The following SLC35B3 variants were observed in gnomAD, a reference collection of about 807,000 sequenced individuals.
SLC35B3 encodes the protein adenosine 3'-phospho 5'-phosphosulfate transporter 2.
SLC35B3 carries 35 observed loss-of-function variants against 44.1 expected under a neutral mutation model. That is an observed-to-expected ratio of 0.79 (90% CI 0.61 to 1.05). SLC35B3 has a LOEUF of 1.05. SLC35B3 is among the 50% of genes least tolerant of loss of function. The pLI, the probability that SLC35B3 is intolerant of heterozygous loss-of-function variation, is 0.00. For missense variants in SLC35B3, 414 were observed against 476.4 expected (o/e 0.87, Z 1.22); for synonymous variants, 146 against 167.3 (o/e 0.87, Z 0.98).
rs1339678776 is a variant in SLC35B3, at chr6:8,420,840, A to C, written c.575-12T>G. 1.3e-6 allele frequency: 2 copies of C among 1,591,858 alleles called. No homozygotes were observed. Among genetic ancestry groups the C allele is most frequent in the Non-Finnish European group, 8.6e-7 (1 of 1,163,580 alleles). ...ATTATAACGCTTTCCTGTATAAAACAAACGTAAGTCCACTTCATTATGCAA... is the reference window on the plus strand; with the variant it reads ...ATTATAACGCTTTCCTGTATAAAACCAACGTAAGTCCACTTCATTATGCAA... On this transcript the variant is annotated splice_polypyrimidine_tract_variant and intron_variant, in intron 5 of 10. Transcript: ENST00000644923. This position sits in a 1 kb window ranked among gnomAD's most constrained non-coding sequence, Gnocchi z 4.4.
rs1386874954 is a variant in SLC35B3 at position 8,430,147 on chromosome 6, T to C, written c.14A>G (p.Gln5Arg). Residue 5 changes from glutamine to arginine, a missense_variant, in exon 3 of 11, where the codon CAG (glutamine) becomes CGG (arginine). Coordinates refer to ENST00000644923, the MANE Select transcript of SLC35B3 (RefSeq NM_001370476.2). The stretch of plus-strand genomic sequence containing the variant: ...TATGTTCTGTATGTCTTTTGCTTGC[T>C]GTGTCAAGTCCTAGAGAAGGAAATA... 1 of 1,580,968 alleles carries C rather than the reference T, an allele frequency of 6.3e-7. No individual in the cohort carries two copies. Among genetic ancestry groups the C allele is most frequent in the Non-Finnish European group, 8.6e-7 (1 of 1,165,650 alleles).
rs952892263 is a variant in SLC35B3 at position 8,411,950 on chromosome 6, A to G, written c.*1599T>C. Among the ~76,000 whole-genome samples the G allele has an allele frequency of 6.6e-6, 1 of 152,184 alleles. No homozygotes were observed. The highest frequency in any genetic ancestry group is 1.9e-4 in the East Asian group (1 of 5,204). ...AATCTTTGAATTTAGACTCAAAACT[A>G]TGCATGCAACATTCCTATGGTCTGA... On this transcript the variant is annotated 3_prime_UTR_variant, in exon 11 of 11. Transcript: ENST00000644923.
chr6:8,418,470 A>AACAC (rs35180249), intron 7 of SLC35B3, among the ~76,000 whole-genome samples: 4 of 148,390 alleles, frequency 2.7e-5, no homozygotes, highest in Non-Finnish European at 4.5e-5. Flanking sequence ...AATTAATGTA[A>AACAC]ACACACACAC....
In SLC35B3 at chr6:8,435,499, G is replaced by C. The variant is rs1356267970; in HGVS notation, c.-200C>G. The C allele has an allele frequency of 3.6e-6, 3 of 825,420 alleles. No individual in the cohort carries two copies. In the African/African-American group the frequency reaches 5.4e-5, roughly 15 times the overall value. The allele number at this position is 825,420 out of a possible 1,614,324, so 51.1% of individuals were successfully genotyped here. On this transcript the variant is annotated 5_prime_UTR_variant, in exon 1 of 11. Coordinates refer to ENST00000644923, the MANE Select transcript of SLC35B3 (RefSeq NM_001370476.2). This position sits in a 1 kb window ranked among gnomAD's most constrained non-coding sequence, Gnocchi z 5.5. ...TTTCCACCGCGGCGGTCGCCTCCCCGGAAAGCACTCTCAACTCCGGCGCCC... is the reference window on the plus strand; with the variant it reads ...TTTCCACCGCGGCGGTCGCCTCCCCCGAAAGCACTCTCAACTCCGGCGCCC...
rs35150610 is a variant in SLC35B3, at chr6:8,419,676, A to G, written c.684T>C (p.Gly228=). ...ATAGTGCCAGGGAAATAAGCACCACACCTTCAAGAAGGTATTAAAAAAACA... is the reference window on the plus strand; with the variant it reads ...ATAGTGCCAGGGAAATAAGCACCACGCCTTCAAGAAGGTATTAAAAAAACA... The change falls in exon 7 of 11, where the codon GGT becomes GGC. Residue 228 remains glycine (G), a splice_region_variant and synonymous_variant. Coordinates refer to ENST00000644923, the MANE Select transcript of SLC35B3 (RefSeq NM_001370476.2). This position sits in a 1 kb window ranked among gnomAD's most constrained non-coding sequence, Gnocchi z 4.3. The G allele has an allele frequency of 6.7e-7, 1 of 1,489,586 alleles. No homozygotes were observed. The allele number at this position is 1,489,586 out of a possible 1,614,324, so 92.3% of individuals were successfully genotyped here. A position where few individuals can be genotyped will look rare whatever the true frequency, so the allele number is the denominator to read the frequency against.
rs1321581630 is a variant in SLC35B3, at chr6:8,420,212, C to A, written c.682+509G>T. The stretch of plus-strand genomic sequence containing the variant: ...TTCTCCTTTGTATAAACACACTCAG[C>A]ACACATTTTCCATGATTTCCAAGGT... On this transcript the variant is annotated intron_variant, in intron 6 of 10. Transcript: ENST00000644923. This position sits in a 1 kb window ranked among gnomAD's most constrained non-coding sequence, Gnocchi z 4.4. Among the ~76,000 whole-genome samples, 1 of 152,114 alleles carries A rather than the reference C, an allele frequency of 6.6e-6. No individual in the cohort carries two copies. Among genetic ancestry groups the A allele is most frequent in the African/African-American group, 2.4e-5 (1 of 41,410 alleles).
Position 8,413,582 on chromosome 6 carries a change from T to A in SLC35B3, c.1173A>T (p.Ala391=), listed in dbSNP as rs1427986371. 2 of 1,609,938 alleles carry A rather than the reference T, an allele frequency of 1.2e-6. No homozygotes were observed. The highest frequency in any genetic ancestry group is 1.7e-6 in the Non-Finnish European group (2 of 1,178,546). ...TCTGTGCCAGCGTCCTTGACTTTCT[T>A]GCTTCCACTGATTTGTTTATCAAAT... is the stretch of plus-strand genomic sequence containing the variant. Residue 391 remains alanine, a synonymous_variant, in exon 11 of 11, where the codon GCA becomes GCT. Coordinates refer to ENST00000644923, the MANE Select transcript of SLC35B3 (RefSeq NM_001370476.2).
intron 2 of SLC35B3, among the ~76,000 whole-genome samples, chr6:8,431,556 T>C (rs887994286): frequency 1.3e-5 from 2 of 152,224 alleles, no homozygotes; most frequent in Admixed American, 1.3e-4. Flanking sequence ...TATTTCTAAA[T>C]AGAAAAGTTG....
intron 8 of SLC35B3, 99 bp from the exon 8 acceptor site, chr6:8,417,094 T>TA (rs1440969173): frequency 1.5e-6 from 1 of 654,024 alleles, no homozygotes; most frequent in Non-Finnish European, 2.6e-6. Context: ...TCTTGAGCAA[T>TA]AAGTTGTTTG....
chr6:8,435,288 G>A lies in SLC35B3; in HGVS notation c.-44+55C>T. 7.8e-7 allele frequency: 1 copy of A among 1,289,350 alleles called. No homozygotes were observed. Among genetic ancestry groups the A allele is most frequent in the Non-Finnish European group, 1.0e-6 (1 of 988,868 alleles). The allele number at this position is 1,289,350 out of a possible 1,614,324, so 79.9% of individuals were successfully genotyped here. ...AAGATGGGCAGTGTCAAGGTTTTCT[G>A]GAGGAGAGGAGATCTGGGTCCCAAA... On this transcript the variant is annotated intron_variant, in intron 1 of 10. Transcript: ENST00000644923. The surrounding 1 kb of genome is among the most constrained non-coding windows in gnomAD (Gnocchi z 5.5).
At chr6:8,428,175 A>G in intron 3 of SLC35B3, 117 bp from the exon 3 acceptor site, 2 of 953,612 alleles carry the variant, frequency 2.1e-6, no homozygotes, top group Non-Finnish European at 2.9e-6. Context: ...AACAACAACA[A>G]AATGTAAATT....
rs143642303 is a variant in SLC35B3 at position 8,412,431 on chromosome 6, T to C, written c.*1118A>G. ...GGATAATTTTATAATTATTTTATTATAATTTTGAGACATCAATTACTTTTT... is the reference window on the plus strand; with the variant it reads ...GGATAATTTTATAATTATTTTATTACAATTTTGAGACATCAATTACTTTTT... On this transcript the variant is annotated 3_prime_UTR_variant, in exon 11 of 11. Coordinates refer to ENST00000644923, the MANE Select transcript of SLC35B3 (RefSeq NM_001370476.2). Among the ~76,000 whole-genome samples the C allele has an allele frequency of 3.0e-3, 457 of 152,328 alleles. 2 individuals carry two copies. The highest frequency in any genetic ancestry group is 0.01 in the African/African-American group (429 of 41,590).
At position 8,433,670 on chromosome 6, in the gene SLC35B3, A is replaced by C. The variant is rs1328451536; in HGVS notation, c.3+715T>G. Among the ~76,000 whole-genome samples the C allele has an allele frequency of 1.3e-5, 2 of 152,146 alleles. No individual in the cohort carries two copies. Among genetic ancestry groups the C allele is most frequent in the African/African-American group, 4.8e-5 (2 of 41,420 alleles). ...ACATTGCTACTGAAACTCCCCACAA[A>C]ACATTTGAAATGAACATGAAAATAA... On this transcript the variant is annotated intron_variant, in intron 2 of 10. Transcript: ENST00000644923. This position sits in a 1 kb window ranked among gnomAD's most constrained non-coding sequence, Gnocchi z 4.1.
At chr6:8,429,538 T>G (rs1027208280) in intron 3 of SLC35B3, among the ~76,000 whole-genome samples, 1 of 152,194 alleles carries the variant, frequency 6.6e-6, no homozygotes, top group African/African-American at 2.4e-5. Flanking sequence ...AACTGCACTA[T>G]CATTCAATAA....
At position 8,419,536 on chromosome 6, in the gene SLC35B3, T is replaced by A; in HGVS notation, c.780+44A>T. The A allele has an allele frequency of 9.6e-7, 1 of 1,041,990 alleles. No homozygotes were observed. The highest frequency in any genetic ancestry group is 1.4e-6 in the Non-Finnish European group (1 of 713,588). 64.5% of individuals were successfully genotyped at this position (1,041,990 alleles called of 1,614,324 possible). On this transcript the variant is annotated intron_variant, in intron 7 of 10. Transcript: ENST00000644923. The surrounding 1 kb of genome is among the most constrained non-coding windows in gnomAD (Gnocchi z 4.3). ...TCATCAAATTACGTGTATCACCATT[T>A]TTTAAATCTGTCTAATTTGAAGAAA...
At chr6:8,431,224 T>C (rs1581272613) in intron 2 of SLC35B3, among the ~76,000 whole-genome samples, 2 of 152,308 alleles carry the variant, frequency 1.3e-5, no homozygotes, top group Non-Finnish European at 2.9e-5. Flanking sequence ...AGAATAAACC[T>C]ATGTAAAAGA....
Position 8,432,878 on chromosome 6 carries a change from A to G in SLC35B3, c.3+1507T>C, listed in dbSNP as rs1433013996. Among the ~76,000 whole-genome samples the G allele has an allele frequency of 6.6e-6, 1 of 152,154 alleles. No individual in the cohort carries two copies. Among genetic ancestry groups the G allele is most frequent in the Non-Finnish European group, 1.5e-5 (1 of 68,034 alleles). On this transcript the variant is annotated intron_variant, in intron 2 of 10. Transcript: ENST00000644923. This position sits in a 1 kb window ranked among gnomAD's most constrained non-coding sequence, Gnocchi z 4.8. ...CGCTGCCTTCTCTCCTGAGATCCAGAGCTCTACGTCTAAATGCTTCTTTGA... is the reference window on the plus strand; with the variant it reads ...CGCTGCCTTCTCTCCTGAGATCCAGGGCTCTACGTCTAAATGCTTCTTTGA...
At chr6:8,423,897 A>G (rs1179268163) in intron 4 of SLC35B3, among the ~76,000 whole-genome samples, 1 of 152,158 alleles carries the variant, frequency 6.6e-6, no homozygotes, top group Non-Finnish European at 1.5e-5. Context: ...CCTCATTGGG[A>G]TATCATCAGT....
In SLC35B3 at chr6:8,432,763, CT is replaced by C. The variant is rs549725559; in HGVS notation, c.3+1621del. On this transcript the variant is annotated intron_variant, in intron 2 of 10. Transcript: ENST00000644923. This position sits in a 1 kb window ranked among gnomAD's most constrained non-coding sequence, Gnocchi z 4.8. ...AAGTGTGTTAGCTGTCATCCTTCAA[CT>C]TTTTAGAAATATTGCTAGGGTGATA... Among the ~76,000 whole-genome samples, 2 of 152,114 alleles carry C rather than the reference CT, an allele frequency of 1.3e-5. No individual in the cohort carries two copies. Among genetic ancestry groups the C allele is most frequent in the South Asian group, 4.1e-4 (2 of 4,832 alleles).
Sources: gnomAD v4.1 joint callset for allele counts (sites outside exome capture counted in the v4.1 genomes callset) on GRCh38, gnomAD v4.1.1 for gene constraint, Gnocchi (gnomAD v3.1) non-coding constraint, MANE v1.5 for transcripts, NCBI Gene and HGNC (gene_info 2026-07-23, HGNC 2026-07-21) for gene names.